Variants in DCLK1 observed in about 807,000 individuals in gnomAD.
DCLK1 encodes doublecortin like kinase 1.
DCLK1 carries 16 observed loss-of-function variants against 86.2 expected under a neutral mutation model. The ratio of observed to expected loss-of-function variants is 0.19; its 90% CI spans 0.13 to 0.28. The LOEUF is 0.28. DCLK1 is among the 10% of genes least tolerant of loss of function. The pLI is 1.00. For synonymous variants in DCLK1, 369 were observed against 370.5 expected (o/e 1.00, Z 0.05); for missense variants, 590 against 940.2 (o/e 0.63, Z 4.87).
rs2086287670 is a variant in DCLK1, at chr13:35,769,308, T to C, written c.*5227A>G. On this transcript the variant is annotated 3_prime_UTR_variant, in exon 17 of 17. Coordinates refer to ENST00000360631, the MANE Select transcript of DCLK1 (RefSeq NM_001330071.2). The stretch of plus-strand genomic sequence containing the variant: ...ATTGAATTTTTTTCTTGAGTCAAAT[T>C]GAAACCTTTCAGAAACTTGTTTAAA... 6.6e-6 allele frequency: 1 copy of C among 152,194 alleles called. No homozygotes were observed. Among genetic ancestry groups the C allele is most frequent in the African/African-American group, 2.4e-5 (1 of 41,440 alleles). The allele number at this position is 152,194 out of a possible 1,614,324, so 9.4% of individuals were successfully genotyped here. A position where few individuals can be genotyped will look rare whatever the true frequency, so the allele number is the denominator to read the frequency against.
intron 3 of DCLK1, among the ~76,000 whole-genome samples, chr13:36,032,690 A>G (rs1275071486): frequency 2.0e-5 from 3 of 152,164 alleles, no homozygotes; most frequent in African/African-American, 7.2e-5. Flanking sequence ...AGGAAAGGAA[A>G]GTAGTGCTGG....
chr13:35,825,447 T>A (rs2087497887), intron 10 of DCLK1, among the ~76,000 whole-genome samples: 1 of 152,132 alleles, frequency 6.6e-6, no homozygotes, highest in Non-Finnish European at 1.5e-5. Flanking sequence ...GGCAGTTAAG[T>A]GCAACGAGGA....
At chr13:35,807,408 G>A (rs1463501873) in intron 14 of DCLK1, among the ~76,000 whole-genome samples, 1 of 152,106 alleles carries the variant, frequency 6.6e-6, no homozygotes, top group Non-Finnish European at 1.5e-5. Flanking sequence ...CTAAATCCTG[G>A]CTATTATTCA....
intron 3 of DCLK1, among the ~76,000 whole-genome samples, chr13:36,055,453 G>C (rs1413541930): frequency 6.6e-6 from 1 of 152,114 alleles, no homozygotes; most frequent in Non-Finnish European, 1.5e-5. Context: ...TCAATAAACA[G>C]GGAGTGAACT....
chr13:35,885,637 G>A (rs1387523302), intron 4 of DCLK1, among the ~76,000 whole-genome samples: 2 of 152,118 alleles, frequency 1.3e-5, no homozygotes, highest in East Asian at 3.9e-4. Context: ...CTGTTTCAGG[G>A]AATTGATGGG....
At chr13:36,111,680 T>C (rs1231605229) in intron 3 of DCLK1, among the ~76,000 whole-genome samples, 189 bp downstream of exon 3, 3 of 152,240 alleles carry the variant, frequency 2.0e-5, no homozygotes, top group Non-Finnish European at 4.4e-5. Flanking sequence ...TTTTTCTTAC[T>C]TTATTCCTAT....
chr13:36,108,076 A>T (rs58249967), intron 3 of DCLK1, among the ~76,000 whole-genome samples: 16 of 21,902 alleles, frequency 7.3e-4, no homozygotes, highest in Non-Finnish European at 1.1e-3. Flanking sequence ...GCCCAGATTT[A>T]AAAAAAAAAA....
Position 36,069,895 on chromosome 13 carries a change from C to CTTAAA in DCLK1, c.723+41973_723+41974insTTTAA, listed in dbSNP as rs1347679359. On this transcript the variant is annotated intron_variant, in intron 3 of 16. Transcript: ENST00000360631. ...AAATTAACACTAGAGCAACAGCATC[C>CTTAAA]ATCAGCGATAGGATTGAACTAGAAT... Among the ~76,000 whole-genome samples, 29 of 152,256 alleles carry CTTAAA rather than the reference C, an allele frequency of 1.9e-4. No individual in the cohort carries two copies. In the East Asian group the frequency reaches 4.8e-3, roughly 25 times the overall value.
In DCLK1 at chr13:35,992,255, T is replaced by G. The variant is rs761783640; in HGVS notation, c.724-44798A>C. 3.8e-4 allele frequency among the ~76,000 whole-genome samples: 58 copies of G among 152,116 alleles called. 1 individual carries two copies. The highest frequency in any genetic ancestry group is 8.5e-4 in the Admixed American group (13 of 15,268). On this transcript the variant is annotated intron_variant, in intron 3 of 16. Transcript: ENST00000360631. Reference sequence around the variant, plus strand: ...AGTCTGAATCCACTTCAGAGACAAATGATCCCCTCGGATGTGGGAAAACAT... The same window carrying G: ...AGTCTGAATCCACTTCAGAGACAAAGGATCCCCTCGGATGTGGGAAAACAT...
At chr13:35,795,676 T>C (rs1257127341) in intron 15 of DCLK1, among the ~76,000 whole-genome samples, 3 of 152,056 alleles carry the variant, frequency 2.0e-5, no homozygotes, top group Admixed American at 6.5e-5. Context: ...ATCTCAGCAC[T>C]TTGGGAGGCC....
chr13:35,996,187 C>T (rs1473888300), intron 3 of DCLK1, among the ~76,000 whole-genome samples: 2 of 152,148 alleles, frequency 1.3e-5, no homozygotes, highest in Non-Finnish European at 2.9e-5. Flanking sequence ...CCTCGGCCTC[C>T]CAAAATGCTA....
chr13:36,034,257 G>T (rs558780038), intron 3 of DCLK1, among the ~76,000 whole-genome samples: 1 of 152,112 alleles, frequency 6.6e-6, no homozygotes, highest in Non-Finnish European at 1.5e-5. Context: ...TAGAAACTTC[G>T]TGGTTGTTTT....
At chr13:35,980,927 G>A (rs1267233718) in intron 3 of DCLK1, among the ~76,000 whole-genome samples, 1 of 152,036 alleles carries the variant, frequency 6.6e-6, no homozygotes, top group African/African-American at 2.4e-5. Context: ...CAAGGTGCTG[G>A]GATTACAGGT....
intron 15 of DCLK1, among the ~76,000 whole-genome samples, chr13:35,797,614 T>C (rs1369622415): frequency 6.6e-6 from 1 of 152,154 alleles, no homozygotes; most frequent in Non-Finnish European, 1.5e-5. Flanking sequence ...AGGATTTTTT[T>C]CCAATGAAAT....
intron 3 of DCLK1, among the ~76,000 whole-genome samples, chr13:36,033,161 T>A (rs1345366943): frequency 6.6e-6 from 1 of 152,176 alleles, no homozygotes; most frequent in Non-Finnish European, 1.5e-5. Flanking sequence ...GACATTTACA[T>A]GCAGTTTGTG....
At chr13:36,051,484 T>C (rs1883121507) in intron 3 of DCLK1, among the ~76,000 whole-genome samples, 1 of 152,206 alleles carries the variant, frequency 6.6e-6, no homozygotes, top group Non-Finnish European at 1.5e-5. Context: ...ATAAGTACAT[T>C]TGTCTTGCTT....
At chr13:35,914,368 T>TATATAC (rs1566600337) in intron 4 of DCLK1, among the ~76,000 whole-genome samples, 5 of 16,692 alleles carry the variant, frequency 3.0e-4, no homozygotes, top group Non-Finnish European at 5.4e-4. Flanking sequence ...TATATATATA[T>TATATAC]GTATATATAT....
intron 3 of DCLK1, among the ~76,000 whole-genome samples, chr13:36,101,231 G>A (rs978141434): frequency 2.6e-5 from 4 of 152,156 alleles, no homozygotes; most frequent in African/African-American, 7.2e-5. Flanking sequence ...CTCGGGATCC[G>A]TGTTTCCACA....
intron 3 of DCLK1, among the ~76,000 whole-genome samples, chr13:36,089,093 A>C (rs1884723645): frequency 6.6e-6 from 1 of 152,238 alleles, no homozygotes; most frequent in Admixed American, 6.5e-5. Context: ...TTGGAGGTGA[A>C]AAGTCTGAAA....
Sources: gnomAD v4.1 joint callset for allele counts (sites outside exome capture counted in the v4.1 genomes callset) on GRCh38, gnomAD v4.1.1 for gene constraint, MANE v1.5 for transcripts, NCBI Gene and HGNC (gene_info 2026-07-23, HGNC 2026-07-21) for gene names.